APBB2: variants seen among roughly 807,000 people sequenced by gnomAD.
The protein encoded by APBB2 is amyloid beta precursor protein binding family B member 2, also known as Fe65-like 1.
Under a neutral mutation model 82.5 loss-of-function variants are expected in APBB2, and 38 were observed. That is an observed-to-expected ratio of 0.46 (90% CI 0.36 to 0.60). The LOEUF is 0.60. Ranked by LOEUF, APBB2 falls within the 20% of genes least tolerant of loss-of-function variation. The pLI, the probability that APBB2 is intolerant of heterozygous loss-of-function variation, is 0.00. For synonymous variants in APBB2, 341 were observed against 368.2 expected, an observed-to-expected ratio of 0.93 and a Z score of 0.85; for missense variants, 772 against 972.3, an observed-to-expected ratio of 0.79 and a Z score of 2.74.
intron 2 of APBB2, among the ~76,000 whole-genome samples, chr4:41,109,845 A>G (rs1036197705): frequency 1.3e-5 from 2 of 152,208 alleles, no homozygotes; most frequent in Non-Finnish European, 2.9e-5. Flanking sequence ...ATGTTCCAAC[A>G]TGTGGAATAA....
At chr4:40,985,143 G>A (rs1800079091) in intron 6 of APBB2, among the ~76,000 whole-genome samples, 1 of 151,784 alleles carries the variant, frequency 6.6e-6, no homozygotes, top group Non-Finnish European at 1.5e-5. Flanking sequence ...TCAGACTTCT[G>A]GGTTCACATG....
intron 12 of APBB2, among the ~76,000 whole-genome samples, chr4:40,839,201 C>G (rs751046507): frequency 6.6e-6 from 1 of 152,038 alleles, no homozygotes; most frequent in Non-Finnish European, 1.5e-5. Flanking sequence ...TCTCAGCCTC[C>G]CAAGTAGCTG....
chr4:41,190,829 C>T (rs908773333), intron 1 of APBB2, among the ~76,000 whole-genome samples: 6 of 152,138 alleles, frequency 3.9e-5, no homozygotes, highest in Non-Finnish European at 5.9e-5. Flanking sequence ...TTAAGAAGAT[C>T]TGAAAAGAAA....
intron 12 of APBB2, among the ~76,000 whole-genome samples, chr4:40,884,850 A>C (rs1769754719): frequency 6.6e-6 from 1 of 152,242 alleles, no homozygotes; most frequent in Middle Eastern, 3.2e-3. Flanking sequence ...ATATGAAAAA[A>C]AATTCGGTAC....
intron 2 of APBB2, among the ~76,000 whole-genome samples, chr4:41,102,108 T>C (rs1314146847): frequency 1.3e-5 from 2 of 152,156 alleles, no homozygotes; most frequent in South Asian, 2.1e-4. Flanking sequence ...AAAGTCGGCA[T>C]ACCCCTCGGG....
At position 40,887,097 on chromosome 4, in the gene APBB2, T is replaced by C. The variant is rs554818700; in HGVS notation, c.1529+3267A>G. 2.0e-5 allele frequency among the ~76,000 whole-genome samples: 3 copies of C among 152,256 alleles called. No individual in the cohort carries two copies. The South Asian group carries it at 6.2e-4, about 32-fold the overall frequency. On this transcript the variant is annotated intron_variant, in intron 12 of 17. Coordinates refer to ENST00000508593, the MANE Select transcript of APBB2 (RefSeq NM_004307.2). ...AGACTGGTATCAGATGTGACTCAAC[T>C]CCTTGTGCTGTTCATAGTAAGAGGT...
At chr4:41,068,279 G>T (rs1400300472) in intron 3 of APBB2, among the ~76,000 whole-genome samples, 1 of 152,166 alleles carries the variant, frequency 6.6e-6, no homozygotes, top group Non-Finnish European at 1.5e-5. Flanking sequence ...AGTGAATGTG[G>T]TCTCTATTTC....
At chr4:41,071,986 C>G (rs547844873) in intron 3 of APBB2, among the ~76,000 whole-genome samples, 1 of 151,390 alleles carries the variant, frequency 6.6e-6, no homozygotes, top group Non-Finnish European at 1.5e-5. Flanking sequence ...AGCTGGGTTT[C>G]TACCACCACA....
chr4:41,125,918 A>C (rs973803746), intron 2 of APBB2, among the ~76,000 whole-genome samples: 1 of 152,224 alleles, frequency 6.6e-6, no homozygotes, highest in Non-Finnish European at 1.5e-5. Context: ...GTCCTGCCTC[A>C]GCAAGAATCT....
Position 41,179,049 on chromosome 4 carries a change from T to C in APBB2, c.-417+35356A>G, listed in dbSNP as rs560624782. ...TCCTTGAGGGTCCACCAGTGTGTTG[T>C]ATACGTGTCACGTCTATTGCACAGA... On this transcript the variant is annotated intron_variant, in intron 1 of 17. Transcript: ENST00000508593. Among the ~76,000 whole-genome samples the C allele has an allele frequency of 3.9e-5, 6 of 152,236 alleles. No homozygotes were observed. In the East Asian group the frequency reaches 7.7e-4, roughly 20 times the overall value.
At position 40,826,985 on chromosome 4, in the gene APBB2, G is replaced by C; in HGVS notation, c.1732+147C>G. 1 of 678,934 alleles carries C rather than the reference G, an allele frequency of 1.5e-6. No homozygotes were observed. Among genetic ancestry groups the C allele is most frequent in the Non-Finnish European group, 2.6e-6 (1 of 389,994 alleles). 42.1% of individuals were successfully genotyped at this position (678,934 alleles called of 1,614,324 possible). ...CAAAATCAACTCTGTGCCTCTGTGA[G>C]ACCCAGCGTGCAGGCTCAACTTGTG... On this transcript the variant is annotated intron_variant, in intron 14 of 17. Coordinates refer to ENST00000508593, the MANE Select transcript of APBB2 (RefSeq NM_004307.2). The surrounding 1 kb of genome is among the most constrained non-coding windows in gnomAD (Gnocchi z 4.5).
intron 3 of APBB2, among the ~76,000 whole-genome samples, chr4:41,082,027 ATTGGAGGAACATGACACAGTATG>A (rs568465910): frequency 2.1e-3 from 325 of 152,328 alleles, no homozygotes; most frequent in Non-Finnish European, 3.8e-3. Context: ...AACTTAGTAT[ATTGGAGGAACATGACACAGTATG>A]TTGGAGGAAC....
At chr4:40,821,473 A>C (rs1400592046) in intron 17 of APBB2, among the ~76,000 whole-genome samples, 2 of 152,268 alleles carry the variant, frequency 1.3e-5, no homozygotes, top group East Asian at 3.8e-4. Flanking sequence ...AAAATATATA[A>C]GAACGGTGTA....
At chr4:40,968,757 C>A (rs765769697) in intron 6 of APBB2, among the ~76,000 whole-genome samples, 1 of 152,216 alleles carries the variant, frequency 6.6e-6, no homozygotes, top group African/African-American at 2.4e-5. Context: ...ACTTCCTCCA[C>A]AAAACTTTTC....
intron 3 of APBB2, among the ~76,000 whole-genome samples, chr4:41,080,094 G>A (rs1341866969): frequency 1.3e-5 from 2 of 152,268 alleles, no homozygotes; most frequent in East Asian, 3.9e-4. Flanking sequence ...GAGAGACGAG[G>A]CAGTTTGAAA....
chr4:41,074,296 G>C (rs1328027676), intron 3 of APBB2, among the ~76,000 whole-genome samples: 1 of 152,084 alleles, frequency 6.6e-6, no homozygotes, highest in African/African-American at 2.4e-5. Flanking sequence ...AAAACCACAA[G>C]GGATGTGCCC....
intron 12 of APBB2, among the ~76,000 whole-genome samples, chr4:40,856,800 CCTT>C (rs763375456): frequency 1.3e-5 from 2 of 152,214 alleles, no homozygotes; most frequent in African/African-American, 4.8e-5. Flanking sequence ...AAGCCTCACT[CCTT>C]CTTCCCACCG....
intron 6 of APBB2, among the ~76,000 whole-genome samples, chr4:40,956,201 C>T (rs1791607700): frequency 6.6e-6 from 1 of 152,140 alleles, no homozygotes; most frequent in African/African-American, 2.4e-5. Flanking sequence ...GCAAGCAGGG[C>T]TCTTCACTTC....
At chr4:40,913,060 A>C (rs1778957729) in intron 10 of APBB2, among the ~76,000 whole-genome samples, 1 of 152,214 alleles carries the variant, frequency 6.6e-6, no homozygotes, top group Non-Finnish European at 1.5e-5. Flanking sequence ...GGAAAATCGG[A>C]ATGCACACCA....
Sources: allele counts gnomAD v4.1 joint callset (sites outside exome capture counted in the v4.1 genomes callset), GRCh38; gene constraint gnomAD v4.1.1; non-coding constraint Gnocchi (gnomAD v3.1); transcripts MANE v1.5; gene names NCBI Gene and HGNC (gene_info 2026-07-23, HGNC 2026-07-21).